Variants in MAST2 observed in about 807,000 individuals in gnomAD.
MAST2 encodes the protein microtubule-associated serine/threonine-protein kinase 2.
A neutral mutation model predicts 147.4 loss-of-function variants in MAST2; 70 were observed. That is an observed-to-expected ratio of 0.47 (90% confidence interval 0.39 to 0.58). MAST2 has a LOEUF of 0.58. Among genes scored for constraint, MAST2 ranks in the 20% least tolerant of loss-of-function variants. The probability of loss-of-function intolerance (pLI) is 0.00; values close to 1 mark genes in which losing one functional copy is unlikely to be tolerated. For missense variants in MAST2, 2,080 were observed against 2,302.3 expected, an observed-to-expected ratio of 0.90 and a Z score of 1.98; for synonymous variants, 869 against 896.8, an observed-to-expected ratio of 0.97 and a Z score of 0.55.
At chr1:45,963,764 G>T (rs1417130646) in intron 5 of MAST2, among the ~76,000 whole-genome samples, 3 of 152,060 alleles carry the variant, frequency 2.0e-5, no homozygotes, top group Non-Finnish European at 4.4e-5. Context: ...TCTTTTTCCT[G>T]CCTGATTGCC....
At chr1:45,864,343 C>G (rs912636096) in intron 3 of MAST2, among the ~76,000 whole-genome samples, 1 of 152,186 alleles carries the variant, frequency 6.6e-6, no homozygotes, top group African/African-American at 2.4e-5. Context: ...CTAGCCCCCT[C>G]CTGCACATAA....
intron 16 of MAST2, among the ~76,000 whole-genome samples, chr1:46,026,560 C>T (rs755524831): frequency 6.6e-5 from 10 of 152,092 alleles, no homozygotes; most frequent in South Asian, 4.2e-4. Context: ...CTCACTCTGC[C>T]GGTGAAAAGA....
At chr1:45,897,482 A>G (rs943878988) in intron 4 of MAST2, among the ~76,000 whole-genome samples, 2 of 152,174 alleles carry the variant, frequency 1.3e-5, no homozygotes, top group Admixed American at 1.3e-4. Context: ...AGGAGAGAAA[A>G]AATAAATTTT....
intron 2 of MAST2, 109 bp downstream of exon 2, chr1:45,824,689 T>C (rs866463144): frequency 5.3e-6 from 6 of 1,123,478 alleles, no homozygotes; most frequent in Middle Eastern, 4.3e-4. Flanking sequence ...GTAGTAGTCT[T>C]GTATAGAACA....
intron 4 of MAST2, among the ~76,000 whole-genome samples, chr1:45,933,055 C>G (rs1570785858): frequency 8.6e-6 from 1 of 116,566 alleles, no homozygotes; most frequent in East Asian, 3.0e-4. Flanking sequence ...AGTGAGACCC[C>G]ATTTCTTTAA....
rs1436388689 is a variant in MAST2, at chr1:45,991,758, G to A, written c.593-5966G>A. 2.0e-5 allele frequency among the ~76,000 whole-genome samples: 3 copies of A among 152,120 alleles called. No homozygotes were observed. The South Asian group carries it at 6.2e-4, about 32-fold the overall frequency. The stretch of plus-strand genomic sequence containing the variant: ...GTAATTGCTTATTAGTTACAGGATT[G>A]TTGTTTGTTGATTCTTTAGAATATT... On this transcript the variant is annotated intron_variant, in intron 5 of 28. Coordinates refer to ENST00000361297, the MANE Select transcript of MAST2 (RefSeq NM_015112.3).
intron 5 of MAST2, among the ~76,000 whole-genome samples, chr1:45,973,623 TAGAC>T (rs1402283238): frequency 6.6e-6 from 1 of 152,134 alleles, no homozygotes; most frequent in Non-Finnish European, 1.5e-5. Flanking sequence ...GGAGTGAACA[TAGAC>T]AGAAAGGACT....
intron 3 of MAST2, among the ~76,000 whole-genome samples, chr1:45,838,190 T>G (rs1645162160): frequency 6.6e-6 from 1 of 151,544 alleles, no homozygotes; most frequent in African/African-American, 2.4e-5. Context: ...TATTTTTATG[T>G]GCTTATTTGC....
At chr1:45,893,340 G>A (rs973423969) in intron 4 of MAST2, among the ~76,000 whole-genome samples, 13 of 152,032 alleles carry the variant, frequency 8.6e-5, no homozygotes, top group African/African-American at 3.1e-4. Flanking sequence ...AGCTGGGACT[G>A]TAAGCATGCA....
At chr1:45,809,874 A>G (rs1015735507) in intron 1 of MAST2, among the ~76,000 whole-genome samples, 8 of 152,224 alleles carry the variant, frequency 5.3e-5, no homozygotes, top group African/African-American at 1.9e-4. Context: ...TAGGTGCTTA[A>G]TAAGTAGTCT....
chr1:45,953,120 T>C (rs1659169687), intron 4 of MAST2, among the ~76,000 whole-genome samples: 1 of 152,128 alleles, frequency 6.6e-6, no homozygotes, highest in African/African-American at 2.4e-5. Context: ...TGGTTAACTT[T>C]AGACATTGTT....
Position 46,022,215 on chromosome 1 carries a change from G to A in MAST2, c.1423+133G>A. The A allele has an allele frequency of 1.8e-6, 2 of 1,105,122 alleles. 1 individual carries two copies. The highest frequency in any genetic ancestry group is 2.6e-6 in the Non-Finnish European group (2 of 774,450). 68.5% of individuals were successfully genotyped at this position (1,105,122 alleles called of 1,614,324 possible). On this transcript the variant is annotated intron_variant, in intron 12 of 28. Transcript: ENST00000361297. ...TGGCCCCGGGGGCCTCAGGATTTTA[G>A]GAGATACCCTGTGATCTCTGTGACA...
chr1:45,805,270 G>C (rs4660315), intron 1 of MAST2, among the ~76,000 whole-genome samples: 121,196 of 152,164 alleles, frequency 0.8, 48,748 homozygotes, highest in East Asian at 0.98. Flanking sequence ...AGGCTGGTCT[G>C]GAACTCTGAC....
chr1:45,855,610 G>A (rs1217460244), intron 3 of MAST2, among the ~76,000 whole-genome samples: 1 of 150,512 alleles, frequency 6.6e-6, no homozygotes, highest in Non-Finnish European at 1.5e-5. Context: ...TTTTTTTTTT[G>A]CAACTTTAAA....
At chr1:45,887,660 A>G (rs12141934) in intron 4 of MAST2, among the ~76,000 whole-genome samples, 13,765 of 152,228 alleles carry the variant, frequency 0.09, 853 homozygotes, top group Middle Eastern at 0.14. Flanking sequence ...GCCTGGATCA[A>G]TGCTTCTGGA....
At chr1:45,973,828 G>A (rs1251094724) in intron 5 of MAST2, among the ~76,000 whole-genome samples, 1 of 152,226 alleles carries the variant, frequency 6.6e-6, no homozygotes, top group Non-Finnish European at 1.5e-5. Flanking sequence ...TGAAGTCTGA[G>A]TATTGCCAGT....
chr1:45,821,885 C>CTTTTTTTTTTTTTTTTTTTTTTTTTTTT (rs71587723), intron 1 of MAST2, among the ~76,000 whole-genome samples: 1 of 100,848 alleles, frequency 9.9e-6, no homozygotes, highest in African/African-American at 4.1e-5. Flanking sequence ...TCACCTTCAC[C>CTTTTTTTTTTTTTTTTTTTTTTTTTTTT]TTTTTTTTTT....
chr1:45,951,239 A>G (rs1384309256), intron 4 of MAST2, among the ~76,000 whole-genome samples: 1 of 152,106 alleles, frequency 6.6e-6, no homozygotes, highest in Non-Finnish European at 1.5e-5. Flanking sequence ...AAACAAAGTA[A>G]CATTAGAGAT....
intron 4 of MAST2, among the ~76,000 whole-genome samples, chr1:45,927,556 C>CTGTTCTGCCT (rs1371836730): frequency 6.6e-6 from 1 of 152,094 alleles, no homozygotes; most frequent in Non-Finnish European, 1.5e-5. Context: ...AAATACGGCT[C>CTGTTCTGCCT]TGTTCTGCCT....
Sources: allele counts gnomAD v4.1 joint callset (sites outside exome capture counted in the v4.1 genomes callset), GRCh38; gene constraint gnomAD v4.1.1; transcripts MANE v1.5; gene names NCBI Gene and HGNC (gene_info 2026-07-23, HGNC 2026-07-21).